YLPM1: variants seen among roughly 807,000 people sequenced by gnomAD.
YLPM1 encodes YLP motif containing 1.
In YLPM1, 99 loss-of-function variants were observed where a neutral mutation model predicts 230.0. The observed-to-expected ratio is 0.43, with a 90% CI of 0.37 to 0.51. The LOEUF is 0.51. Among genes scored for constraint, YLPM1 ranks in the 20% least tolerant of loss-of-function variants. The pLI is 0.00. For synonymous variants in YLPM1, 984 were observed against 942.5 expected (o/e 1.04, Z -0.81); for missense variants, 2,592 against 2,707.7 (o/e 0.96, Z 0.95).
chr14:74,773,948 T>C (rs564204837), intron 1 of YLPM1, among the ~76,000 whole-genome samples: 30 of 152,194 alleles, frequency 2.0e-4, no homozygotes, highest in African/African-American at 7.2e-4. Context: ...CTCGAACTCC[T>C]GACCTCAGGT....
chr14:74,803,716 G>A (rs2091350674), intron 6 of YLPM1, among the ~76,000 whole-genome samples: 1 of 152,102 alleles, frequency 6.6e-6, no homozygotes, highest in Non-Finnish European at 1.5e-5. Flanking sequence ...CTTGAAACCT[G>A]AAAATCAACC....
chr14:74,790,943 T>A (rs1302592247), intron 4 of YLPM1, among the ~76,000 whole-genome samples: 1 of 152,130 alleles, frequency 6.6e-6, no homozygotes, highest in Non-Finnish European at 1.5e-5. Context: ...ACTTTGAAAA[T>A]TTGAAAGTCC....
chr14:74,777,140 T>A (rs2091049162), intron 1 of YLPM1, among the ~76,000 whole-genome samples: 1 of 152,180 alleles, frequency 6.6e-6, no homozygotes, highest in Admixed American at 6.5e-5. Flanking sequence ...CTATATTTTC[T>A]AATATTTCCA....
At chr14:74,815,975 A>T (rs2091474781) in intron 11 of YLPM1, among the ~76,000 whole-genome samples, 1 of 151,670 alleles carries the variant, frequency 6.6e-6, no homozygotes, top group Non-Finnish European at 1.5e-5. Flanking sequence ...GTTTTCACGT[A>T]TTTGTGAGTT....
At chr14:74,789,426 A>G (rs2091183320) in intron 4 of YLPM1, among the ~76,000 whole-genome samples, 1 of 151,924 alleles carries the variant, frequency 6.6e-6, no homozygotes, top group African/African-American at 2.4e-5. Context: ...TGTTTTGGCC[A>G]GGCTGGTCTC....
At position 74,799,595 on chromosome 14, in the gene YLPM1, A is replaced by G; in HGVS notation, c.4298A>G (p.Asp1433Gly). Residue 1433 changes from aspartate to glycine, a missense_variant, in exon 5 of 21, where the codon GAT (aspartate) becomes GGT (glycine). Around this residue, in one of 4 missense-constraint regions of YLPM1, gnomAD observed 1,862 missense variants for 1,819.8 expected, o/e 1.02. Coordinates refer to ENST00000325680, the MANE Select transcript of YLPM1 (RefSeq NM_019589.3). ...SHHSSEMMGS[D>G]ASLDSDQGLG... ...CATTCCTCAGAAATGATGGGGTCCG[A>G]TGCAAGCTTAGACTCTGACCAAGGC... 6.2e-7 allele frequency: 1 copy of G among 1,613,992 alleles called. No homozygotes were observed. The highest frequency in any genetic ancestry group is 8.5e-7 in the Non-Finnish European group (1 of 1,179,888).
At chr14:74,823,890 T>A (rs188013072) in intron 17 of YLPM1, 1 of 164,822 alleles carries the variant, frequency 6.1e-6, no homozygotes, top group Non-Finnish European at 1.3e-5. Flanking sequence ...TAGCTAGTAT[T>A]ACAAATTCTC....
intron 1 of YLPM1, among the ~76,000 whole-genome samples, chr14:74,770,626 G>GT (rs1291959724): frequency 7.9e-6 from 1 of 126,408 alleles, no homozygotes; most frequent in Non-Finnish European, 1.9e-5. Context: ...CTCCATCTCA[G>GT]TTAAAAAAAA....
In YLPM1 at chr14:74,778,552, C is replaced by T. The variant is rs2091063631; in HGVS notation, c.979C>T (p.Pro327Ser). ...GGGTCCTGTGGTAGCAAAGGATACA[C>T]CAGAGCCGGTAAAAGAAGAAGTTAC... is the stretch of plus-strand genomic sequence containing the variant. ...KKGPVVAKDT[P>S]EPVKEEVTVP... The change falls in exon 2 of 21, where the codon CCA becomes TCA. Residue 327 changes from proline (P) to serine (S), a missense_variant. Pro to Ser is a moderately conservative substitution (Grantham distance 74). Around this residue, in one of 4 missense-constraint regions of YLPM1, gnomAD observed 1,862 missense variants for 1,819.8 expected, o/e 1.02. Transcript: ENST00000325680. 1 of 1,606,780 alleles carries T rather than the reference C, an allele frequency of 6.2e-7. No individual in the cohort carries two copies. Among genetic ancestry groups the T allele is most frequent in the Non-Finnish European group, 8.5e-7 (1 of 1,176,684 alleles).
chr14:74,802,632 G>C lies in YLPM1; in HGVS notation c.4477G>C (p.Glu1493Gln). The change falls in exon 6 of 21, where the codon GAA (glutamate) becomes CAA (glutamine). Residue 1493 changes from glutamate (E) to glutamine (Q), a missense_variant. This residue lies in a region of YLPM1 where 403 missense variants were observed against 426.7 expected (regional missense o/e 0.94). Transcript: ENST00000325680. The stretch of plus-strand genomic sequence containing the variant: ...GATGGCTGACCATCTACCACCTCAG[G>C]AATCAAGATTGCAGAATACATCTTC... ...PQMADHLPPQ[E>Q]SRLQNTSSRP... 1 of 1,613,388 alleles carries C rather than the reference G, an allele frequency of 6.2e-7. No homozygotes were observed. Among genetic ancestry groups the C allele is most frequent in the Non-Finnish European group, 8.5e-7 (1 of 1,179,654 alleles).
At chr14:74,772,403 T>C (rs954242119) in intron 1 of YLPM1, among the ~76,000 whole-genome samples, 7 of 151,512 alleles carry the variant, frequency 4.6e-5, no homozygotes, top group African/African-American at 1.7e-4. Flanking sequence ...TCACCCAGGC[T>C]GAAGTGCAGT....
At chr14:74,795,074 C>T (rs1013015771) in intron 4 of YLPM1, among the ~76,000 whole-genome samples, 2 of 152,208 alleles carry the variant, frequency 1.3e-5, no homozygotes, top group Non-Finnish European at 2.9e-5. Flanking sequence ...ACTTGAATCT[C>T]AGGACATGGG....
chr14:74,797,487 A>G, intron 4 of YLPM1, 93 bp from the exon 5 acceptor site: 1 of 1,104,000 alleles, frequency 9.1e-7, no homozygotes, highest in Admixed American at 3.1e-5. Flanking sequence ...TTGTAAACAA[A>G]TTCTAAGGCA....
chr14:74,832,344 T>A (rs1217347210), intron 19 of YLPM1, among the ~76,000 whole-genome samples: 2 of 152,238 alleles, frequency 1.3e-5, no homozygotes, highest in Admixed American at 6.5e-5. Flanking sequence ...CTTAAGGAGC[T>A]GACATCCAGT....
intron 5 of YLPM1, 112 bp from the exon 6 acceptor site, chr14:74,802,443 AT>A (rs2091337069): frequency 7.6e-7 from 1 of 1,312,734 alleles, no homozygotes; most frequent in Admixed American, 2.9e-5. Context: ...ACTGCAGAGA[AT>A]TTTAGGACAA....
intron 6 of YLPM1, among the ~76,000 whole-genome samples, chr14:74,806,841 T>C (rs2091383716): frequency 6.6e-6 from 1 of 151,712 alleles, no homozygotes; most frequent in African/African-American, 2.4e-5. Context: ...ATCCTTAATA[T>C]AATATAGATA....
At chr14:74,803,238 A>G (rs1479590279) in intron 6 of YLPM1, among the ~76,000 whole-genome samples, 2 of 152,236 alleles carry the variant, frequency 1.3e-5, no homozygotes, top group Non-Finnish European at 2.9e-5. Context: ...TTCAGGCAGT[A>G]TGAAAAGGGG....
chr14:74,785,446 C>T (rs2091138386), intron 4 of YLPM1, among the ~76,000 whole-genome samples: 4 of 152,184 alleles, frequency 2.6e-5, no homozygotes, highest in African/African-American at 9.7e-5. Flanking sequence ...TGCTTTTGCT[C>T]ACTCAGCCCT....
chr14:74,805,389 G>A (rs1240305031), intron 6 of YLPM1, among the ~76,000 whole-genome samples: 2 of 151,798 alleles, frequency 1.3e-5, no homozygotes, highest in East Asian at 3.9e-4. Context: ...TGCCTGGGAG[G>A]CTGGAATACA....
Sources: gnomAD v4.1 joint callset for allele counts (sites outside exome capture counted in the v4.1 genomes callset) on GRCh38, gnomAD v4.1.1 for gene constraint, gnomAD v4.1.1 regional missense constraint, MANE v1.5 for transcripts, NCBI Gene and HGNC (gene_info 2026-07-23, HGNC 2026-07-21) for gene names.